Variants in DST observed in about 807,000 individuals in gnomAD.
The protein encoded by DST is dystonin.
In DST, 253 loss-of-function variants were observed where a neutral mutation model predicts 875.2. The ratio of observed to expected loss-of-function variants is 0.29; its 90% CI spans 0.26 to 0.32. The LOEUF (loss-of-function observed/expected upper bound fraction) is 0.32. Ranked by LOEUF, DST falls within the 10% of genes least tolerant of loss-of-function variation. The pLI is 1.00. For synonymous variants in DST, 3,124 were observed against 3,197.1 expected (o/e 0.98, Z 0.77); for missense variants, 8,287 against 9,111.6 (o/e 0.91, Z 3.68).
At chr6:56,555,292 A>G in intron 60 of DST, 53 bp downstream of exon 60, 1 of 1,517,132 alleles carries the variant, frequency 6.6e-7, no homozygotes, top group Non-Finnish European at 8.8e-7. Context: ...GAAATAGGCA[A>G]TATATGACAT....
intron 2 of DST, 82 bp from the exon 3 acceptor site, chr6:56,900,703 G>A (rs1168154061): frequency 1.4e-5 from 15 of 1,085,174 alleles, no homozygotes; most frequent in Non-Finnish European, 1.7e-5. Flanking sequence ...TATACAAAGA[G>A]CTCCAAAAGT....
chr6:56,699,436 G>A (rs920997005), intron 9 of DST, among the ~76,000 whole-genome samples: 1 of 152,214 alleles, frequency 6.6e-6, no homozygotes, highest in African/African-American at 2.4e-5. Context: ...AACAGACATT[G>A]TCTTTAAAAC....
In DST at chr6:56,746,852, A is replaced by G. The variant is rs4520018; in HGVS notation, c.626-11563T>C. On this transcript the variant is annotated intron_variant, in intron 4 of 103. Transcript: ENST00000680361. ...GATATAGAAAAAAATACTGAGACAC[A>G]TGCCAGAGTACCCCATTCTGGTCTG... Among the ~76,000 whole-genome samples the G allele has an allele frequency of 6.4e-3, 982 of 152,330 alleles. 12 individuals are homozygous for G. The highest frequency in any genetic ancestry group is 0.023 in the African/African-American group (952 of 41,574).
intron 4 of DST, among the ~76,000 whole-genome samples, chr6:56,837,021 A>T (rs912100603): frequency 1.3e-5 from 2 of 152,134 alleles, no homozygotes; most frequent in Non-Finnish European, 2.9e-5. Flanking sequence ...TGGAAAATAG[A>T]TCCACTGCTC....
intron 60 of DST, among the ~76,000 whole-genome samples, chr6:56,554,094 T>C (rs2097364326): frequency 7.4e-6 from 1 of 134,762 alleles, no homozygotes; most frequent in Admixed American, 7.3e-5. Flanking sequence ...TTTTTTTTTT[T>C]TTTTTTTTGA....
chr6:56,517,103 C>T, intron 71 of DST, 95 bp downstream of exon 71: 1 of 862,784 alleles, frequency 1.2e-6, no homozygotes, highest in Non-Finnish European at 1.9e-6. Flanking sequence ...TAAATGGCAG[C>T]TGTGGATAAC....
At chr6:56,839,633 A>G (rs768082310) in intron 4 of DST, among the ~76,000 whole-genome samples, 5 of 152,158 alleles carry the variant, frequency 3.3e-5, no homozygotes, top group Non-Finnish European at 5.9e-5. Context: ...GTATACTCCA[A>G]TTTTCAATTC....
At chr6:56,763,684 TACACACACACACACACACACAC>T (rs553580754) in intron 4 of DST, among the ~76,000 whole-genome samples, 1 of 117,068 alleles carries the variant, frequency 8.5e-6, no homozygotes, top group African/African-American at 3.5e-5. Context: ...AAAATACCTA[TACACACACACACACACACACAC>T]ACACACACAC....
intron 4 of DST, chr6:56,843,657 T>C: frequency 1.0e-6 from 1 of 980,394 alleles, no homozygotes; most frequent in Non-Finnish European, 1.2e-6. Flanking sequence ...CGGCATTTCC[T>C]GGCCGCCGCG....
rs756100839 is a variant in DST, at chr6:56,492,305, T to G, written c.20679A>C (p.Gln6893His). The change falls in exon 85 of 104, where the codon CAA becomes CAC. Residue 6893 changes from glutamine to histidine, a missense_variant. Gln to His is a conservative substitution (Grantham distance 24, BLOSUM62 0). Transcript: ENST00000680361. ...VLIKNLLISV[Q>H]SRWEKVVQRL... ...GTTGAACCACTTTTTCCCATCGACT[T>G]TGTACACTGATAAGTAGATTCTTGA... 6.2e-7 allele frequency: 1 copy of G among 1,613,912 alleles called. No homozygotes were observed. The highest frequency in any genetic ancestry group is 1.1e-5 in the South Asian group (1 of 91,076).
At chr6:56,686,645 A>G (rs2099189231) in intron 9 of DST, among the ~76,000 whole-genome samples, 1 of 152,210 alleles carries the variant, frequency 6.6e-6, no homozygotes, top group African/African-American at 2.4e-5. Context: ...AATATTTGCT[A>G]AAGAAATGAG....
At chr6:56,631,788 G>T in intron 29 of DST, 95 bp downstream of exon 29, 2 of 1,124,714 alleles carry the variant, frequency 1.8e-6, no homozygotes, top group Non-Finnish European at 2.7e-6. Flanking sequence ...TGGCTAGTGT[G>T]AGTGTGCAAA....
intron 5 of DST, among the ~76,000 whole-genome samples, chr6:56,719,374 T>C (rs187541078): frequency 1.4e-4 from 22 of 152,256 alleles, no homozygotes; most frequent in Admixed American, 1.4e-3. Flanking sequence ...AAACCCTTAA[T>C]CTAGACCAAA....
At position 56,535,271 on chromosome 6, in the gene DST, G is replaced by A; in HGVS notation, c.16792C>T (p.Leu5598=). 6.3e-7 allele frequency: 1 copy of A among 1,585,300 alleles called. No homozygotes were observed. Among genetic ancestry groups the A allele is most frequent in the Non-Finnish European group, 8.5e-7 (1 of 1,171,486 alleles). ...CCACAGTGCAGCAAGGCCTCCTGCA[G>A]CTGGGCTGCTCGCTGAGCCACCTGC... ...NKKVAQRAAQ[L]QEALLHCGRF... Residue 5598 remains leucine, a synonymous_variant, in exon 63 of 104, where the codon CTG becomes TTG. Coordinates refer to ENST00000680361, the MANE Select transcript of DST (RefSeq NM_001374736.1).
intron 3 of DST, among the ~76,000 whole-genome samples, chr6:56,864,917 T>C (rs1773190707): frequency 6.6e-6 from 1 of 152,124 alleles, no homozygotes; most frequent in Non-Finnish European, 1.5e-5. Context: ...ATTCTTTTGG[T>C]TTAAAGCTTT....
chr6:56,924,700 T>C (rs966000673), intron 2 of DST, among the ~76,000 whole-genome samples: 1 of 152,128 alleles, frequency 6.6e-6, no homozygotes, highest in African/African-American at 2.4e-5. Context: ...ACTGGAAACA[T>C]ACAAAGCCAT....
intron 9 of DST, among the ~76,000 whole-genome samples, chr6:56,698,098 C>T (rs964048918): frequency 1.4e-4 from 22 of 152,122 alleles, no homozygotes; most frequent in African/African-American, 5.1e-4. Context: ...ATTAGCTGCC[C>T]TGTAGTCTGG....
chr6:56,763,637 G>C (rs971716838), intron 4 of DST, among the ~76,000 whole-genome samples: 1 of 148,946 alleles, frequency 6.7e-6, no homozygotes, highest in Non-Finnish European at 1.5e-5. Context: ...ACACCACTGC[G>C]CTCCAGCCGA....
At chr6:56,567,791 GC>G (rs2097707228) in intron 55 of DST, among the ~76,000 whole-genome samples, 1 of 152,042 alleles carries the variant, frequency 6.6e-6, no homozygotes, top group African/African-American at 2.4e-5. Context: ...AGATATCAGA[GC>G]TGCCTTCTGC....
Sources: gnomAD v4.1 joint callset for allele counts (sites outside exome capture counted in the v4.1 genomes callset) on GRCh38, gnomAD v4.1.1 for gene constraint, MANE v1.5 for transcripts, NCBI Gene and HGNC (gene_info 2026-07-23, HGNC 2026-07-21) for gene names.